Variants in NPEPL1 observed in about 807,000 individuals in gnomAD.
NPEPL1 encodes the protein aminopeptidase like 1.
NPEPL1 carries 45 observed loss-of-function variants against 52.4 expected under a neutral mutation model. The ratio of observed to expected loss-of-function variants is 0.86; its 90% confidence interval spans 0.68 to 1.10. The LOEUF is 1.10. Among genes scored for constraint, NPEPL1 ranks in the 50% least tolerant of loss-of-function variants. The pLI, the probability that NPEPL1 is intolerant of heterozygous loss-of-function variation, is 0.00. For synonymous variants in NPEPL1, 360 were observed against 314.7 expected (o/e 1.14, Z -1.52); for missense variants, 696 against 710.9 (o/e 0.98, Z 0.24).
intron 5 of NPEPL1, 90 bp downstream of exon 5, chr20:58,699,368 A>T (rs1172695113): frequency 1.0e-6 from 1 of 955,106 alleles, no homozygotes; most frequent in African/African-American, 1.6e-5. Flanking sequence ...CACATGGCAC[A>T]TTGTCCCAAA....
intron 7 of NPEPL1, chr20:58,711,393 A>T (rs541671159): frequency 1.3e-5 from 2 of 152,488 alleles, no homozygotes; most frequent in Non-Finnish European, 2.9e-5. Flanking sequence ...GTGCTGGGGT[A>T]TCTGGGGAGG....
upstream of NPEPL1, chr20:58,692,354 G>A (rs1177416681): frequency 6.4e-6 from 1 of 155,388 alleles, no homozygotes; most frequent in African/African-American, 2.4e-5. The surrounding 1 kb of genome is among the most constrained non-coding windows in gnomAD (Gnocchi z 5.7). Context: ...TCAGGTCCAA[G>A]AGTCACTGGG....
upstream of NPEPL1, among the ~76,000 whole-genome samples, chr20:58,690,378 A>G (rs550262897): frequency 6.6e-6 from 1 of 152,358 alleles, no homozygotes; most frequent in East Asian, 1.9e-4. Flanking sequence ...TTTTTCATTG[A>G]CAGTGAAATA....
chr20:58,702,177 C>T (rs946301323), intron 6 of NPEPL1, among the ~76,000 whole-genome samples: 3 of 152,264 alleles, frequency 2.0e-5, no homozygotes, highest in Admixed American at 1.3e-4. Flanking sequence ...ATATTTGAAA[C>T]CAGGAAGGAT....
intron 3 of NPEPL1, among the ~76,000 whole-genome samples, chr20:58,695,552 G>A (rs1472654584): frequency 6.6e-6 from 1 of 152,108 alleles, no homozygotes; most frequent in African/African-American, 2.4e-5. Context: ...CGCCACCCAG[G>A]TTGTCTTTTC....
intron 7 of NPEPL1, among the ~76,000 whole-genome samples, chr20:58,707,715 T>TGGGGGGGG (rs539320427): frequency 6.6e-4 from 26 of 39,564 alleles, no homozygotes; most frequent in Non-Finnish European, 8.5e-4. Context: ...TCGGGGGGCG[T>TGGGGGGGG]GGGGGGGGTG....
rs925445590 is a variant in NPEPL1, at chr20:58,715,620, G to A, written c.*294G>A. ...CACCCCGGGGTGAGGCCTCCTGCCT[G>A]CCTGGTGCCCTGTCCCAGCCCCAGG... On this transcript the variant is annotated 3_prime_UTR_variant, in exon 12 of 12. Coordinates refer to ENST00000356091, the MANE Select transcript of NPEPL1 (RefSeq NM_024663.4). 2 of 268,956 alleles carry A rather than the reference G, an allele frequency of 7.4e-6. No homozygotes were observed. The highest frequency in any genetic ancestry group is 1.1e-4 in the Admixed American group (2 of 17,454). The allele number at this position is 268,956 out of a possible 1,614,324, so 16.7% of individuals were successfully genotyped here.
intron 6 of NPEPL1, among the ~76,000 whole-genome samples, chr20:58,702,531 T>C (rs1176713784): frequency 3.3e-5 from 5 of 152,048 alleles, no homozygotes; most frequent in South Asian, 2.1e-4. Flanking sequence ...TAAAAAGGGT[T>C]TTTTGTTTTT....
upstream of NPEPL1, chr20:58,691,051 A>T: frequency 1.4e-6 from 1 of 701,118 alleles, no homozygotes; most frequent in Non-Finnish European, 2.6e-6. Context: ...CCCACGTGGA[A>T]GGCCTTCTTT....
At position 58,713,437 on chromosome 20, in the gene NPEPL1, A is replaced by T; in HGVS notation, c.1019A>T (p.Asn340Ile). Residue 340 changes from asparagine to isoleucine, a missense_variant, in exon 9 of 12, where the codon AAC (asparagine) becomes ATC (isoleucine). By Grantham distance (149) the Asn-to-Ile change is moderately radical. Transcript: ENST00000356091. This position sits in a 1 kb window ranked among gnomAD's most constrained non-coding sequence, Gnocchi z 4.6. ...TGCCCCAGGACGGTGGAAATCAACA[A>T]CACGGATGCCGAGGGCAGGCTGGTG... The part of the protein sequence containing the change: ...LYSGKTVEIN[N>I]TDAEGRLVLA... The T allele has an allele frequency of 6.2e-7, 1 of 1,608,756 alleles. No homozygotes were observed.
At position 58,699,343 on chromosome 20, in the gene NPEPL1, AG is replaced by A. The variant is rs1460890407; in HGVS notation, c.679+70del. 3.9e-6 allele frequency: 5 copies of A among 1,287,204 alleles called. No homozygotes were observed. The African/African-American group carries it at 5.9e-5, about 15-fold the overall frequency. The allele number at this position is 1,287,204 out of a possible 1,614,324, so 79.7% of individuals were successfully genotyped here. ...CAGTGGCCAGGGGCACTTGGGTGGC[AG>A]GGGGTCGGCGGGCCACATGGCACAT... On this transcript the variant is annotated intron_variant, in intron 5 of 11. Transcript: ENST00000356091.
rs1380082951 is a variant in NPEPL1 at position 58,698,855 on chromosome 20, G to A, written c.597+82G>A. 6 of 1,210,228 alleles carry A rather than the reference G, an allele frequency of 5.0e-6. No individual in the cohort carries two copies. In the South Asian group the frequency reaches 7.6e-5, roughly 15 times the overall value. 75.0% of individuals were successfully genotyped at this position (1,210,228 alleles called of 1,614,324 possible). Reference sequence around the variant, plus strand: ...CCCAGGAGAGCCAGAGGAAACCTGGGGCTGTCCACACCCTGACGTGGCCAG... The same window carrying A: ...CCCAGGAGAGCCAGAGGAAACCTGGAGCTGTCCACACCCTGACGTGGCCAG... On this transcript the variant is annotated intron_variant, in intron 4 of 11. Transcript: ENST00000356091.
In NPEPL1 at chr20:58,698,812, G is replaced by A. The variant is rs1407096081; in HGVS notation, c.597+39G>A. The stretch of plus-strand genomic sequence containing the variant: ...TCAGGCCGGGGGTGGGACCAGGCTG[G>A]GGTGGGTGTCATAGACTCCCAGGAG... On this transcript the variant is annotated intron_variant, in intron 4 of 11. Coordinates refer to ENST00000356091, the MANE Select transcript of NPEPL1 (RefSeq NM_024663.4). 7 of 1,573,406 alleles carry A rather than the reference G, an allele frequency of 4.4e-6. No homozygotes were observed. The African/African-American group carries it at 8.1e-5, about 18-fold the overall frequency.
In NPEPL1 at chr20:58,694,621, C is replaced by T. The variant is rs192844129; in HGVS notation, c.507+29C>T. 5.9e-5 allele frequency: 93 copies of T among 1,586,724 alleles called. No homozygotes were observed. In the African/African-American group the frequency reaches 1.1e-3, roughly 19 times the overall value. On this transcript the variant is annotated intron_variant, in intron 3 of 11. Transcript: ENST00000356091. Reference sequence around the variant, plus strand: ...GGTGTCTGGAAGGGCAGACACTGCCCCTGGGCCCGGGCAAGATCGGGCAGG... The same window carrying T: ...GGTGTCTGGAAGGGCAGACACTGCCTCTGGGCCCGGGCAAGATCGGGCAGG...
Position 58,713,334 on chromosome 20 carries a change from A to G in NPEPL1, c.1002-86A>G. ...GGGAGCCACAGGGATGGGCAGCTCC[A>G]AATGGGGTCTCCCCAGTTTCAAAGG... is the stretch of plus-strand genomic sequence containing the variant. On this transcript the variant is annotated intron_variant, in intron 8 of 11. Transcript: ENST00000356091. The surrounding 1 kb of genome is among the most constrained non-coding windows in gnomAD (Gnocchi z 4.6). 3 of 1,467,180 alleles carry G rather than the reference A, an allele frequency of 2.0e-6. No individual in the cohort carries two copies. The highest frequency in any genetic ancestry group is 2.7e-6 in the Non-Finnish European group (3 of 1,097,792). The allele number at this position is 1,467,180 out of a possible 1,614,324, so 90.9% of individuals were successfully genotyped here. A position where few individuals can be genotyped will look rare whatever the true frequency, so the allele number is the denominator to read the frequency against.
rs2084414637 is a variant in NPEPL1 at position 58,694,279 on chromosome 20, T to C, written c.337-143T>C. ...ATGGTTCCGGGGATGACCTGAGGGATGGGGTGGCGGCTGCTGTGGGACATC... is the reference window on the plus strand; with the variant it reads ...ATGGTTCCGGGGATGACCTGAGGGACGGGGTGGCGGCTGCTGTGGGACATC... On this transcript the variant is annotated intron_variant, in intron 2 of 11. Transcript: ENST00000356091. 1.9e-5 allele frequency: 15 copies of C among 794,266 alleles called. No individual in the cohort carries two copies. In the South Asian group the frequency reaches 2.8e-4, roughly 15 times the overall value. 49.2% of individuals were successfully genotyped at this position (794,266 alleles called of 1,614,324 possible).
chr20:58,699,997 T>C (rs2084580062), intron 5 of NPEPL1, among the ~76,000 whole-genome samples: 1 of 152,176 alleles, frequency 6.6e-6, no homozygotes. Flanking sequence ...GCTGCAGTCA[T>C]CTGAGGGCTT....
At chr20:58,709,057 C>A (rs973669802) in intron 7 of NPEPL1, among the ~76,000 whole-genome samples, 2 of 152,054 alleles carry the variant, frequency 1.3e-5, no homozygotes, top group Admixed American at 1.3e-4. Context: ...GACAAATGAT[C>A]ACAGATTCAT....
chr20:58,706,910 T>C (rs983610671), intron 6 of NPEPL1, among the ~76,000 whole-genome samples: 1 of 152,152 alleles, frequency 6.6e-6, no homozygotes, highest in Non-Finnish European at 1.5e-5. Flanking sequence ...TCTATGGCCA[T>C]GACTCCCTGT....
Sources: gnomAD v4.1 joint callset for allele counts (sites outside exome capture counted in the v4.1 genomes callset) on GRCh38, gnomAD v4.1.1 for gene constraint, Gnocchi (gnomAD v3.1) non-coding constraint, MANE v1.5 for transcripts, NCBI Gene and HGNC (gene_info 2026-07-23, HGNC 2026-07-21) for gene names.